Variants in TTC4 observed in about 807,000 individuals in gnomAD.
TTC4 encodes the protein hsp70/Hsp90 co-chaperone CNS1 homolog.
Under a neutral mutation model 51.9 loss-of-function variants are expected in TTC4, and 36 were observed. That is an observed-to-expected ratio of 0.69 (90% CI 0.53 to 0.92). TTC4 has a LOEUF of 0.92. Ranked by LOEUF, TTC4 falls within the 40% of genes least tolerant of loss-of-function variation. The pLI is 0.00. For missense variants in TTC4, 399 were observed against 454.6 expected (o/e 0.88, Z 1.11); for synonymous variants, 144 against 164.2 (o/e 0.88, Z 0.94).
chr1:54,717,617 C>T lies in TTC4; in HGVS notation c.355C>T (p.Leu119Phe), dbSNP rs75163501. Reference protein sequence around the residue: ...KCADPDLNAVLYTNRAAAQYY... With the variant: ...KCADPDLNAVFYTNRAAAQYY... ...TGCAGATCCTGATTTGAATGCTGTC[C>T]TTTATACCAACCGGGCAGCAGCACA... The change falls in exon 3 of 10, where the codon CTT becomes TTT. Residue 119 changes from leucine to phenylalanine, a missense_variant. Leu to Phe is a conservative substitution (Grantham distance 22). Coordinates refer to ENST00000371281, the MANE Select transcript of TTC4 (RefSeq NM_004623.5). 226 of 1,608,622 alleles carry T rather than the reference C, an allele frequency of 1.4e-4. 1 individual carries two copies. In the East Asian group the frequency reaches 2.9e-3, roughly 21 times the overall value.
chr1:54,719,738 CTGTTTTT>C (rs1645720291), intron 3 of TTC4, among the ~76,000 whole-genome samples: 1 of 152,052 alleles, frequency 6.6e-6, no homozygotes, highest in African/African-American at 2.4e-5. Flanking sequence ...AGTATATAGA[CTGTTTTT>C]TGGTTTTTAT....
intron 3 of TTC4, among the ~76,000 whole-genome samples, chr1:54,719,205 G>A (rs1645713593): frequency 6.6e-6 from 1 of 150,720 alleles, no homozygotes; most frequent in Admixed American, 6.6e-5. Context: ...AGAGGGGTAA[G>A]GAATATGGGA....
intron 5 of TTC4, 55 bp from the exon 6 acceptor site, chr1:54,728,291 C>A: frequency 6.6e-7 from 1 of 1,511,510 alleles, no homozygotes. Flanking sequence ...CAGGCTAGTG[C>A]AATAGAAGAG....
At chr1:54,728,304 A>T in intron 5 of TTC4, 42 bp from the exon 6 acceptor site, 1 of 1,574,146 alleles carries the variant, frequency 6.4e-7, no homozygotes, top group South Asian at 1.1e-5. Context: ...TAGAAGAGGA[A>T]GCCAGGTCTC....
intron 7 of TTC4, 76 bp from the exon 8 acceptor site, chr1:54,733,553 A>T: frequency 8.4e-7 from 1 of 1,196,438 alleles, no homozygotes; most frequent in Non-Finnish European, 1.2e-6. Context: ...ATAACTTTGA[A>T]TTAGTGTCTG....
At position 54,741,556 on chromosome 1, in the gene TTC4, T is replaced by C. The variant is rs1646012011; in HGVS notation, c.*43T>C. 4 of 1,518,446 alleles carry C rather than the reference T, an allele frequency of 2.6e-6. No homozygotes were observed. The highest frequency in any genetic ancestry group is 3.7e-6 in the Non-Finnish European group (4 of 1,093,894). 94.1% of individuals were successfully genotyped at this position (1,518,446 alleles called of 1,614,324 possible). Reference sequence around the variant, plus strand: ...GATCTCCTCCCTTACCCTCCTCTGCTGGGAACCTAGCACACCTGAATCAGC... The same window carrying C: ...GATCTCCTCCCTTACCCTCCTCTGCCGGGAACCTAGCACACCTGAATCAGC... On this transcript the variant is annotated 3_prime_UTR_variant, in exon 10 of 10. Coordinates refer to ENST00000371281, the MANE Select transcript of TTC4 (RefSeq NM_004623.5).
intron 3 of TTC4, among the ~76,000 whole-genome samples, chr1:54,718,797 TA>T (rs949690369): frequency 7.9e-5 from 12 of 152,002 alleles, no homozygotes; most frequent in Admixed American, 7.2e-4. Flanking sequence ...AAAAATAATT[TA>T]TTTTTTTAAT....
At chr1:54,725,766 C>T (rs1645792217) in intron 5 of TTC4, among the ~76,000 whole-genome samples, 2 of 152,058 alleles carry the variant, frequency 1.3e-5, no homozygotes, top group South Asian at 4.1e-4. Context: ...TAGAGAATAT[C>T]AACAAAGAGA....
chr1:54,720,680 G>A (rs1188795171), intron 3 of TTC4, among the ~76,000 whole-genome samples: 2 of 151,890 alleles, frequency 1.3e-5, no homozygotes, highest in South Asian at 2.1e-4. Flanking sequence ...GGATATTTGA[G>A]TTATCTCCAG....
chr1:54,730,793 T>C (rs1557749070), intron 6 of TTC4, among the ~76,000 whole-genome samples: 1 of 139,920 alleles, frequency 7.1e-6, no homozygotes, highest in African/African-American at 2.7e-5. Flanking sequence ...TTGACATTTC[T>C]TTTTTTTTTT....
At chr1:54,739,199 A>G (rs1164959052) in intron 9 of TTC4, among the ~76,000 whole-genome samples, 2 of 151,864 alleles carry the variant, frequency 1.3e-5, no homozygotes, top group South Asian at 2.1e-4. Context: ...AATTATTTTT[A>G]TAATAGAGAC....
In TTC4 at chr1:54,721,144, C is replaced by G. The variant is rs1399788777; in HGVS notation, c.392-19C>G. On this transcript the variant is annotated intron_variant, in intron 3 of 9. Coordinates refer to ENST00000371281, the MANE Select transcript of TTC4 (RefSeq NM_004623.5). Reference sequence around the variant, plus strand: ...TTGATCTCAAAACTTCTCTCTTTTACTAAACGGTGTTTTGTTAGGCAATTT... The same window carrying G: ...TTGATCTCAAAACTTCTCTCTTTTAGTAAACGGTGTTTTGTTAGGCAATTT... 6.2e-7 allele frequency: 1 copy of G among 1,612,080 alleles called. No individual in the cohort carries two copies. Among genetic ancestry groups the G allele is most frequent in the East Asian group, 2.2e-5 (1 of 44,798 alleles).
chr1:54,733,518 G>A (rs1163654362), intron 7 of TTC4, 111 bp from the exon 8 acceptor site: 1 of 722,248 alleles, frequency 1.4e-6, no homozygotes, highest in Admixed American at 3.2e-5. Context: ...GGTTAAGCCT[G>A]CATTTCATGT....
chr1:54,733,583 A>C, intron 7 of TTC4, 46 bp from the exon 8 acceptor site: 1 of 1,456,432 alleles, frequency 6.9e-7, no homozygotes, highest in Non-Finnish European at 9.4e-7. Context: ...GTGGGAAAAT[A>C]GATCATGAGT....
At chr1:54,726,863 C>CCTGG (rs10684601) in intron 5 of TTC4, among the ~76,000 whole-genome samples, 14,533 of 152,050 alleles carry the variant, frequency 0.096, 960 homozygotes, top group East Asian at 0.3. Flanking sequence ...ACCTCAAACT[C>CCTGG]CTGGGCTCAA....
intron 4 of TTC4, among the ~76,000 whole-genome samples, chr1:54,721,636 A>C (rs1645744579): frequency 6.6e-6 from 1 of 152,188 alleles, no homozygotes; most frequent in South Asian, 2.1e-4. Flanking sequence ...TTTCTCTTGT[A>C]GTCTGACCTT....
chr1:54,715,862 C>G lies in TTC4; in HGVS notation c.-47C>G, dbSNP rs757679460. On this transcript the variant is annotated 5_prime_UTR_variant, in exon 1 of 10. Coordinates refer to ENST00000371281, the MANE Select transcript of TTC4 (RefSeq NM_004623.5). ...GAACCCGCGCCGCCGGAAGGAGCCG[C>G]TCGCTTCACGGCGCTGGGACCCGGG... is the stretch of plus-strand genomic sequence containing the variant. 1.3e-6 allele frequency: 2 copies of G among 1,490,168 alleles called. No individual in the cohort carries two copies. Among genetic ancestry groups the G allele is most frequent in the South Asian group, 1.2e-5 (1 of 81,260 alleles). The allele number at this position is 1,490,168 out of a possible 1,614,324, so 92.3% of individuals were successfully genotyped here. A position where few individuals can be genotyped will look rare whatever the true frequency, so the allele number is the denominator to read the frequency against.
intron 8 of TTC4, 153 bp from the exon 9 acceptor site, chr1:54,737,429 G>A: frequency 1.7e-6 from 1 of 598,446 alleles, no homozygotes; most frequent in Non-Finnish European, 2.9e-6. Context: ...ATGGCGGGGG[G>A]GTACTAAATG....
rs187369859 is a variant in TTC4, at chr1:54,724,116, A to T, written c.594+1317A>T. ...AGGTCTAGGTGACATTACTTGCTGA[A>T]TAGCTGAAGTATTCCCCTGTGTCTG... On this transcript the variant is annotated intron_variant, in intron 5 of 9. Coordinates refer to ENST00000371281, the MANE Select transcript of TTC4 (RefSeq NM_004623.5). Among the ~76,000 whole-genome samples, 7 of 152,346 alleles carry T rather than the reference A, an allele frequency of 4.6e-5. No homozygotes were observed. In the East Asian group the frequency reaches 1.2e-3, roughly 25 times the overall value.
Sources: allele counts gnomAD v4.1 joint callset (sites outside exome capture counted in the v4.1 genomes callset), GRCh38; gene constraint gnomAD v4.1.1; transcripts MANE v1.5; gene names NCBI Gene and HGNC (gene_info 2026-07-23, HGNC 2026-07-21).